ZNF398: variants seen among roughly 807,000 people sequenced by gnomAD.
The protein encoded by ZNF398 is zinc finger DNA binding protein ZER6.
A neutral mutation model predicts 41.9 loss-of-function variants in ZNF398; 18 were observed. That is an observed-to-expected ratio of 0.43 (90% confidence interval 0.30 to 0.64). ZNF398 has a LOEUF of 0.64. ZNF398 is among the 30% of genes least tolerant of loss of function. The pLI is 0.14. For missense variants in ZNF398, 669 were observed against 822.8 expected (o/e 0.81, Z 2.29); for synonymous variants, 260 against 308.8 (o/e 0.84, Z 1.66).
rs146151029 is a variant in ZNF398 at position 149,133,654 on chromosome 7, A to AATATAT, written c.-490+4730_-490+4735dup. Among the ~76,000 whole-genome samples, 253 of 71,794 alleles carry AATATAT rather than the reference A, an allele frequency of 3.5e-3. 5 individuals are homozygous for AATATAT. Among genetic ancestry groups the AATATAT allele is most frequent in the African/African-American group, 8.0e-3 (178 of 22,330 alleles). 47.1% of individuals were successfully genotyped at this position (71,794 alleles called of 152,430 possible). The stretch of plus-strand genomic sequence containing the variant: ...CTTTTGGTTATTTTTGTGTTTTTTA[A>AATATAT]ATATATATATATATATATATATATA... On this transcript the variant is annotated intron_variant, in intron 2 of 6. Coordinates refer to the ZNF398 transcript ENST00000426851.
intron 2 of ZNF398, among the ~76,000 whole-genome samples, chr7:149,159,314 T>C (rs1227748372): frequency 4.6e-5 from 7 of 152,060 alleles, no homozygotes; most frequent in Non-Finnish European, 8.8e-5. Context: ...ATTTACTAAA[T>C]TGAAATATGA....
At chr7:149,128,740 G>C (rs1826534080) in intron 1 of ZNF398, 1 of 14,374 alleles carries the variant, frequency 7.0e-5, no homozygotes, top group African/African-American at 1.5e-4. Context: ...AAGACAGAGG[G>C]AGACTCTGTC....
chr7:149,147,908 C>T lies in ZNF398; in HGVS notation c.24+142C>T, dbSNP rs1390212698. 8 of 1,080,950 alleles carry T rather than the reference C, an allele frequency of 7.4e-6. No individual in the cohort carries two copies. The East Asian group carries it at 2.6e-4, about 36-fold the overall frequency. The allele number at this position is 1,080,950 out of a possible 1,614,324, so 67.0% of individuals were successfully genotyped here. The stretch of plus-strand genomic sequence containing the variant: ...GTCGCCTGTCGCCCGTGCTTGGCGG[C>T]TGCAGCCTCGCGTGAGGGGACTTAG... On this transcript the variant is annotated intron_variant, in intron 1 of 5. Coordinates refer to ENST00000475153, the MANE Select transcript of ZNF398 (RefSeq NM_170686.3). The surrounding 1 kb of genome is among the most constrained non-coding windows in gnomAD (Gnocchi z 5.6).
intron 4 of ZNF398, among the ~76,000 whole-genome samples, chr7:149,170,539 T>C (rs1465110249): frequency 1.3e-5 from 2 of 151,984 alleles, no homozygotes; most frequent in Admixed American, 1.3e-4. Flanking sequence ...ATAGAGACCA[T>C]TCTGGCTGAC....
intron 2 of ZNF398, among the ~76,000 whole-genome samples, chr7:149,142,167 G>T (rs1826838915): frequency 6.6e-6 from 1 of 152,016 alleles, no homozygotes; most frequent in South Asian, 2.1e-4. Flanking sequence ...ACCATTTTCG[G>T]TTGAGATTTC....
upstream of ZNF398, among the ~76,000 whole-genome samples, chr7:149,144,727 TATAGGC>T (rs1348948793): frequency 6.6e-6 from 1 of 152,060 alleles, no homozygotes; most frequent in Non-Finnish European, 1.5e-5. Flanking sequence ...TAGCTAGGAT[TATAGGC>T]ACCCACGACC....
At chr7:149,150,265 T>C (rs1043288786) in intron 1 of ZNF398, among the ~76,000 whole-genome samples, 1 of 152,182 alleles carries the variant, frequency 6.6e-6, no homozygotes, top group African/African-American at 2.4e-5. Context: ...AGACAAGTCT[T>C]ACTACTCAGT....
chr7:149,178,777 A>G lies in ZNF398; in HGVS notation c.905A>G (p.Gln302Arg), dbSNP rs747779429. 3 of 1,614,216 alleles carry G rather than the reference A, an allele frequency of 1.9e-6. No homozygotes were observed. Residue 302 changes from glutamine to arginine, a missense_variant, in exon 6 of 6, where the codon CAG (glutamine) becomes CGG (arginine). Gln to Arg is a conservative substitution (Grantham distance 43). Coordinates refer to ENST00000475153, the MANE Select transcript of ZNF398 (RefSeq NM_170686.3). The stretch of plus-strand genomic sequence containing the variant: ...TCAGATGTGGCTTTCAAAAGCCAGC[A>G]GTCTACATCCATGACACCTTTTGGA... The part of the protein sequence containing the change: ...AFSDVAFKSQ[Q>R]STSMTPFGRP...
In ZNF398 at chr7:149,181,143, G is replaced by A. The variant is rs548625036; in HGVS notation, c.*1342G>A. ...CTCAAATTTTCATCTGCACAATGAGGCTGTTGAAAGGAAAAAAAGTGAGCC... is the reference window on the plus strand; with the variant it reads ...CTCAAATTTTCATCTGCACAATGAGACTGTTGAAAGGAAAAAAAGTGAGCC... On this transcript the variant is annotated 3_prime_UTR_variant, in exon 6 of 6. Coordinates refer to ENST00000475153, the MANE Select transcript of ZNF398 (RefSeq NM_170686.3). 51 of 152,646 alleles carry A rather than the reference G, an allele frequency of 3.3e-4. No individual in the cohort carries two copies. The highest frequency in any genetic ancestry group is 1.2e-3 in the African/African-American group (51 of 41,530). 9.5% of individuals were successfully genotyped at this position (152,646 alleles called of 1,614,324 possible). A position where few individuals can be genotyped will look rare whatever the true frequency, so the allele number is the denominator to read the frequency against.
chr7:149,169,178 G>A lies in ZNF398; in HGVS notation c.661+2248G>A, dbSNP rs1305447569. 2.6e-5 allele frequency among the ~76,000 whole-genome samples: 4 copies of A among 152,120 alleles called. No individual in the cohort carries two copies. In the East Asian group the frequency reaches 7.7e-4, roughly 29 times the overall value. ...TATCTTGTCAGTTTGTTTTTACCAT[G>A]GGTTTTCAAGATGCTCATGCCTCAA... On this transcript the variant is annotated intron_variant, in intron 4 of 5. Coordinates refer to ENST00000475153, the MANE Select transcript of ZNF398 (RefSeq NM_170686.3).
At position 149,180,084 on chromosome 7, in the gene ZNF398, G is replaced by T. The variant is rs1795559284; in HGVS notation, c.*283G>T. On this transcript the variant is annotated 3_prime_UTR_variant, in exon 6 of 6. Transcript: ENST00000475153. ...GAAGTTACAAGAATATTGCGGAGAG[G>T]TTGGAAAGCAGGATTTAACCTCTAG... is the stretch of plus-strand genomic sequence containing the variant. The T allele has an allele frequency of 6.5e-6, 2 of 307,444 alleles. No individual in the cohort carries two copies. Among genetic ancestry groups the T allele is most frequent in the South Asian group, 1.4e-4 (2 of 14,068 alleles). The allele number at this position is 307,444 out of a possible 1,614,324, so 19.0% of individuals were successfully genotyped here.
chr7:149,130,745 GACA>G (rs1455043081), intron 2 of ZNF398, among the ~76,000 whole-genome samples: 6 of 152,308 alleles, frequency 3.9e-5, no homozygotes, highest in African/African-American at 1.4e-4. Context: ...AGCCAATCAT[GACA>G]ACAACAAGTG....
Position 149,179,171 on chromosome 7 carries a change from C to T in ZNF398, c.1299C>T (p.Pro433=). 6.2e-7 allele frequency: 1 copy of T among 1,613,814 alleles called. No homozygotes were observed. Residue 433 remains proline (P), a synonymous_variant, in exon 6 of 6, where the codon CCC becomes CCT. Coordinates refer to ENST00000475153, the MANE Select transcript of ZNF398 (RefSeq NM_170686.3). This position sits in a 1 kb window ranked among gnomAD's most constrained non-coding sequence, Gnocchi z 6.1. ...TERPFPCPDC[P]KRFADQARLT... is the part of the protein sequence containing the mutation. Reference sequence around the variant, plus strand: ...GTCCTTTCCCCTGTCCTGATTGCCCCAAGCGCTTTGCTGACCAGGCTCGAC... The same window carrying T: ...GTCCTTTCCCCTGTCCTGATTGCCCTAAGCGCTTTGCTGACCAGGCTCGAC...
intron 2 of ZNF398, among the ~76,000 whole-genome samples, chr7:149,139,985 G>A (rs1057066879): frequency 2.0e-5 from 3 of 151,796 alleles, no homozygotes; most frequent in South Asian, 2.1e-4. Context: ...GCAACAGAGC[G>A]AAATCCATCT....
Position 149,147,687 on chromosome 7 carries a change from T to TGGCAGCGGCGGCAGCGGC in ZNF398, c.-52_-35dup. ...CGGGCCTGCTTGGAGCCGGGCGCGG[T>TGGCAGCGGCGGCAGCGGC]GGCAGCGGCGGCAGCGGCGGCGACT... is the stretch of plus-strand genomic sequence containing the variant. On this transcript the variant is annotated 5_prime_UTR_variant, in exon 1 of 6. Transcript: ENST00000475153. The surrounding 1 kb of genome is among the most constrained non-coding windows in gnomAD (Gnocchi z 5.6). The TGGCAGCGGCGGCAGCGGC allele has an allele frequency of 7.8e-7, 1 of 1,274,772 alleles. No homozygotes were observed. The highest frequency in any genetic ancestry group is 9.9e-7 in the Non-Finnish European group (1 of 1,013,488). The allele number at this position is 1,274,772 out of a possible 1,614,324, so 79.0% of individuals were successfully genotyped here.
intron 2 of ZNF398, among the ~76,000 whole-genome samples, chr7:149,136,077 C>T (rs1421316780): frequency 6.6e-6 from 1 of 152,074 alleles, no homozygotes; most frequent in Non-Finnish European, 1.5e-5. Flanking sequence ...AATTCAAGGT[C>T]ATAAATATTT....
Position 149,147,780 on chromosome 7 carries a change from C to T in ZNF398, c.24+14C>T, listed in dbSNP as rs558585323. The T allele has an allele frequency of 1.4e-6, 2 of 1,394,998 alleles. No individual in the cohort carries two copies. Among genetic ancestry groups the T allele is most frequent in the Non-Finnish European group, 9.3e-7 (1 of 1,072,344 alleles). The allele number at this position is 1,394,998 out of a possible 1,614,324, so 86.4% of individuals were successfully genotyped here. On this transcript the variant is annotated intron_variant, in intron 1 of 5. Coordinates refer to ENST00000475153, the MANE Select transcript of ZNF398 (RefSeq NM_170686.3). This position sits in a 1 kb window ranked among gnomAD's most constrained non-coding sequence, Gnocchi z 5.6. ...GCCCCGGCCCCGGTAAGGGCGGCCG[C>T]GCGCGAGTGTTGTGAGCCCCCGAGA...
intron 1 of ZNF398, chr7:149,148,573 T>C (rs999232796): frequency 1.7e-4 from 128 of 757,180 alleles, no homozygotes; most frequent in Non-Finnish European, 2.0e-4. Flanking sequence ...AGAGCAGCGA[T>C]GGGTAGGGGG....
chr7:149,135,827 C>T (rs948227298), intron 2 of ZNF398, among the ~76,000 whole-genome samples: 5 of 151,846 alleles, frequency 3.3e-5, no homozygotes, highest in Non-Finnish European at 5.9e-5. Context: ...CATGGTGGTG[C>T]GCGCCTGTAG....
Sources: allele counts gnomAD v4.1 joint callset (sites outside exome capture counted in the v4.1 genomes callset), GRCh38; gene constraint gnomAD v4.1.1; non-coding constraint Gnocchi (gnomAD v3.1); transcripts MANE v1.5; gene names NCBI Gene and HGNC (gene_info 2026-07-23, HGNC 2026-07-21).